ROBO1: variants seen among roughly 807,000 people sequenced by gnomAD.
ROBO1 encodes roundabout homolog 1.
Under a neutral mutation model 195.9 loss-of-function variants are expected in ROBO1, and 149 were observed. That is an observed-to-expected ratio of 0.76 (90% CI 0.67 to 0.87). The LOEUF (loss-of-function observed/expected upper bound fraction) is 0.87, where lower values mean the gene tolerates loss of function less well. Ranked by LOEUF, ROBO1 falls within the 40% of genes least tolerant of loss-of-function variation. The pLI, the probability that ROBO1 is intolerant of heterozygous loss-of-function variation, is 0.00. For synonymous variants in ROBO1, 816 were observed against 733.2 expected (o/e 1.11, Z -1.82); for missense variants, 1,933 against 2,068.3 (o/e 0.93, Z 1.27).
At chr3:78,777,857 A>G (rs563948938) in intron 4 of ROBO1, among the ~76,000 whole-genome samples, 1 of 152,316 alleles carries the variant, frequency 6.6e-6, no homozygotes, top group East Asian at 1.9e-4. Context: ...CCTAGCCAGA[A>G]CTTCCAATTC....
chr3:78,934,304 A>G (rs947785110), intron 4 of ROBO1, among the ~76,000 whole-genome samples: 4 of 151,944 alleles, frequency 2.6e-5, no homozygotes, highest in African/African-American at 9.7e-5. Context: ...ATTTTACAGT[A>G]TACGTGTACA....
At chr3:78,821,372 G>A (rs556748333) in intron 4 of ROBO1, among the ~76,000 whole-genome samples, 2 of 151,806 alleles carry the variant, frequency 1.3e-5, no homozygotes, top group East Asian at 3.9e-4. Flanking sequence ...CACCATGTTG[G>A]CCAGGCTGGT....
At chr3:79,489,686 A>C (rs1939354795) in intron 2 of ROBO1, among the ~76,000 whole-genome samples, 1 of 151,788 alleles carries the variant, frequency 6.6e-6, no homozygotes, top group Admixed American at 6.6e-5. Flanking sequence ...AAGAAGTAAC[A>C]ATTTCTGTTT....
chr3:78,996,675 G>A (rs1453552957), intron 3 of ROBO1, among the ~76,000 whole-genome samples: 1 of 151,862 alleles, frequency 6.6e-6, no homozygotes, highest in African/African-American at 2.4e-5. Flanking sequence ...GAACAAGATA[G>A]ATCCACACAA....
At chr3:79,118,492 C>T (rs1480504771) in intron 3 of ROBO1, among the ~76,000 whole-genome samples, 1 of 152,080 alleles carries the variant, frequency 6.6e-6, no homozygotes, top group Non-Finnish European at 1.5e-5. Context: ...ACCTAATGAA[C>T]ACCTGTATAT....
intron 2 of ROBO1, among the ~76,000 whole-genome samples, chr3:79,545,836 C>A (rs1467538651): frequency 2.0e-5 from 3 of 152,062 alleles, no homozygotes; most frequent in African/African-American, 7.2e-5. Flanking sequence ...ATAATGTTTG[C>A]ATGGGTGGCC....
intron 4 of ROBO1, among the ~76,000 whole-genome samples, chr3:78,842,706 AT>A (rs1300313104): frequency 1.9e-4 from 29 of 151,584 alleles, no homozygotes; most frequent in African/African-American, 6.3e-4. Context: ...GGCAAAAAAA[AT>A]AACTTTTGGT....
rs1263023410 is a variant in ROBO1, at chr3:78,772,007, A to G, written c.500-25107T>C. Among the ~76,000 whole-genome samples, 4 of 152,310 alleles carry G rather than the reference A, an allele frequency of 2.6e-5. No individual in the cohort carries two copies. The East Asian group carries it at 7.7e-4, about 29-fold the overall frequency. ...GAATATTACATAGGCATTAAATATA[A>G]TGTTCTTTTAAAAATAAATTAATAA... On this transcript the variant is annotated intron_variant, in intron 4 of 30. Transcript: ENST00000464233.
chr3:79,645,144 T>C (rs1945781379), intron 1 of ROBO1, among the ~76,000 whole-genome samples: 1 of 151,956 alleles, frequency 6.6e-6, no homozygotes, highest in Non-Finnish European at 1.5e-5. Flanking sequence ...ATGATGTACC[T>C]CAGGGACCTA....
chr3:78,776,162 ACACT>A (rs1324119576), intron 4 of ROBO1, among the ~76,000 whole-genome samples: 1 of 152,200 alleles, frequency 6.6e-6, no homozygotes, highest in Non-Finnish European at 1.5e-5. Context: ...GGAATAGTAG[ACACT>A]CAATAAGTAC....
At chr3:79,469,579 G>A (rs1221818043) in intron 2 of ROBO1, among the ~76,000 whole-genome samples, 2 of 152,132 alleles carry the variant, frequency 1.3e-5, no homozygotes, top group African/African-American at 4.8e-5. Flanking sequence ...CAACCCTGCC[G>A]TACAACTGTG....
intron 2 of ROBO1, among the ~76,000 whole-genome samples, chr3:79,218,594 C>T (rs1312671596): frequency 2.0e-5 from 3 of 151,840 alleles, no homozygotes; most frequent in Admixed American, 2.0e-4. Flanking sequence ...TAAAGTATTG[C>T]ATGAAAGAGT....
chr3:79,189,852 A>C (rs894726532), intron 2 of ROBO1, among the ~76,000 whole-genome samples: 1 of 151,740 alleles, frequency 6.6e-6, no homozygotes, highest in Non-Finnish European at 1.5e-5. Context: ...CAAAAGAGCA[A>C]ATACATGATA....
intron 2 of ROBO1, among the ~76,000 whole-genome samples, chr3:79,334,014 A>T (rs2109187711): frequency 6.6e-6 from 1 of 152,092 alleles, no homozygotes; most frequent in East Asian, 1.9e-4. Flanking sequence ...ATTTAATATT[A>T]CCACTTCCAG....
At chr3:78,903,579 A>C (rs1028640611) in intron 4 of ROBO1, among the ~76,000 whole-genome samples, 26 of 151,076 alleles carry the variant, frequency 1.7e-4, no homozygotes, top group Admixed American at 3.3e-4. Context: ...ACACACACAC[A>C]CCTTGCTGCT....
chr3:78,673,413 C>A (rs971756690), intron 10 of ROBO1, among the ~76,000 whole-genome samples: 1 of 146,074 alleles, frequency 6.8e-6, no homozygotes. Context: ...AGCAGGGTTA[C>A]ACCACCTGTT....
intron 1 of ROBO1, among the ~76,000 whole-genome samples, chr3:79,681,298 A>T (rs952379833): frequency 6.6e-6 from 1 of 152,000 alleles, no homozygotes; most frequent in Admixed American, 6.6e-5. Flanking sequence ...GCTCTGGGAT[A>T]TGAGAGTTAC....
In ROBO1 at chr3:79,591,329, A is replaced by G. The variant is rs186014055; in HGVS notation, c.-50-1368T>C. Among the ~76,000 whole-genome samples the G allele has an allele frequency of 1.7e-3, 256 of 151,970 alleles. 3 individuals carry two copies. Among genetic ancestry groups the G allele is most frequent in the Admixed American group, 5.1e-3 (78 of 15,208 alleles). On this transcript the variant is annotated intron_variant, in intron 1 of 30. Transcript: ENST00000464233. ...ATTTGAGTTGAGCTGTCCTTATTGT[A>G]TGACTTACCAAAGCAGAGTTAATTG... is the stretch of plus-strand genomic sequence containing the variant.
intron 14 of ROBO1, among the ~76,000 whole-genome samples, chr3:78,662,807 CT>C (rs1359757478): frequency 1.3e-5 from 2 of 152,068 alleles, no homozygotes; most frequent in Non-Finnish European, 2.9e-5. Context: ...ATAAAGAGTT[CT>C]TAATCTCAAA....
Sources: allele counts gnomAD v4.1 joint callset (sites outside exome capture counted in the v4.1 genomes callset), GRCh38; gene constraint gnomAD v4.1.1; transcripts MANE v1.5; gene names NCBI Gene and HGNC (gene_info 2026-07-23, HGNC 2026-07-21).